The following GSG1L variants were observed in gnomAD, a reference collection of about 807,000 sequenced individuals.
GSG1L encodes the protein germ cell-specific gene 1-like protein.
A neutral mutation model predicts 42.1 loss-of-function variants in GSG1L; 24 were observed. The ratio of observed to expected loss-of-function variants is 0.57; its 90% CI spans 0.41 to 0.80. The LOEUF is 0.80. GSG1L is among the 30% of genes least tolerant of loss of function. GSG1L has a pLI of 0.00. For synonymous variants in GSG1L, 215 were observed against 203.5 expected (o/e 1.06, Z -0.48); for missense variants, 445 against 472.2 (o/e 0.94, Z 0.53).
At chr16:27,974,294 G>C (rs1225739106) in intron 1 of GSG1L, among the ~76,000 whole-genome samples, 1 of 152,202 alleles carries the variant, frequency 6.6e-6, no homozygotes, top group African/African-American at 2.4e-5. Context: ...GCTGGACTTT[G>C]GGGTCATAGG....
intron 1 of GSG1L, among the ~76,000 whole-genome samples, chr16:28,041,484 G>A (rs78200405): frequency 0.043 from 6,526 of 152,152 alleles, 462 homozygotes; most frequent in African/African-American, 0.15. Flanking sequence ...ATATCCGGAT[G>A]GAGTGCCTGA....
Position 27,894,894 on chromosome 16 carries a change from G to T in GSG1L, c.398-10256C>A, listed in dbSNP as rs182943923. Among the ~76,000 whole-genome samples the T allele has an allele frequency of 5.3e-4, 80 of 152,332 alleles. No homozygotes were observed. In the East Asian group the frequency reaches 8.5e-3, roughly 16 times the overall value. On this transcript the variant is annotated intron_variant, in intron 2 of 6. Transcript: ENST00000447459. ...TTCCTGTTGTGTGTCTGGGGGCAAG[G>T]TTGGTTCTATTAGAGGCATGAGGAT...
At chr16:28,050,088 GATGAATGA>G (rs1213176973) in intron 1 of GSG1L, among the ~76,000 whole-genome samples, 2 of 151,950 alleles carry the variant, frequency 1.3e-5, no homozygotes, top group Non-Finnish European at 2.9e-5. Flanking sequence ...TAATAGATGT[GATGAATGA>G]ATGAATGAAT....
intron 2 of GSG1L, among the ~76,000 whole-genome samples, chr16:27,927,246 C>A (rs2084604509): frequency 6.6e-6 from 1 of 152,072 alleles, no homozygotes; most frequent in Non-Finnish European, 1.5e-5. Context: ...ACTTCCCAGG[C>A]TCAAGCAATC....
chr16:28,003,595 G>C (rs1175412803), intron 1 of GSG1L, among the ~76,000 whole-genome samples: 1 of 152,198 alleles, frequency 6.6e-6, no homozygotes, highest in Admixed American at 6.5e-5. Flanking sequence ...GCAGGAAAAC[G>C]TGGTTGCCAG....
At chr16:27,797,375 T>C (rs893105292) in intron 6 of GSG1L, among the ~76,000 whole-genome samples, 1 of 150,832 alleles carries the variant, frequency 6.6e-6, no homozygotes, top group African/African-American at 2.4e-5. Context: ...ATACATAAAT[T>C]ATCTTGGTGT....
chr16:27,887,742 G>A (rs1023427009), intron 2 of GSG1L, among the ~76,000 whole-genome samples: 2 of 152,110 alleles, frequency 1.3e-5, no homozygotes, highest in African/African-American at 4.8e-5. Flanking sequence ...TAGCGCAACA[G>A]TGCTTTTAGA....
chr16:27,900,979 T>A (rs2141042272), intron 2 of GSG1L, among the ~76,000 whole-genome samples: 1 of 151,844 alleles, frequency 6.6e-6, no homozygotes, highest in South Asian at 2.1e-4. Flanking sequence ...AATACAAAAT[T>A]TAGCCAGGTG....
At chr16:27,917,664 T>C (rs1039078184) in intron 2 of GSG1L, among the ~76,000 whole-genome samples, 1 of 152,134 alleles carries the variant, frequency 6.6e-6, no homozygotes, top group African/African-American at 2.4e-5. Context: ...TTCCCAGAGT[T>C]TTAAAGAGAT....
chr16:27,951,505 A>C (rs2084950272), intron 2 of GSG1L, among the ~76,000 whole-genome samples: 1 of 152,166 alleles, frequency 6.6e-6, no homozygotes, highest in Non-Finnish European at 1.5e-5. Flanking sequence ...CTGGGGATGA[A>C]GGAGGGCTTT....
chr16:27,920,686 C>T (rs1489043333), intron 2 of GSG1L, among the ~76,000 whole-genome samples: 2 of 152,338 alleles, frequency 1.3e-5, no homozygotes, highest in African/African-American at 2.4e-5. Context: ...CCCTCCCAGC[C>T]GGCAGCCTGC....
intron 3 of GSG1L, among the ~76,000 whole-genome samples, chr16:27,881,733 T>C (rs544205157): frequency 7.9e-5 from 12 of 152,266 alleles, no homozygotes; most frequent in African/African-American, 2.9e-4. Context: ...ACTGGGTTCA[T>C]GGACCTCCTG....
At chr16:27,928,077 G>C (rs929972996) in intron 2 of GSG1L, among the ~76,000 whole-genome samples, 9 of 152,186 alleles carry the variant, frequency 5.9e-5, no homozygotes, top group Non-Finnish European at 1.2e-4. Flanking sequence ...CTGAGAAAGT[G>C]AGCACTCAAT....
intron 2 of GSG1L, among the ~76,000 whole-genome samples, chr16:27,939,561 G>A (rs1210925660): frequency 1.3e-5 from 2 of 152,192 alleles, no homozygotes; most frequent in Admixed American, 1.3e-4. Context: ...GGTCAGCAGA[G>A]AGGCAGCTCA....
intron 1 of GSG1L, among the ~76,000 whole-genome samples, chr16:28,061,273 G>A (rs909438685): frequency 2.6e-4 from 40 of 152,172 alleles, no homozygotes; most frequent in African/African-American, 8.2e-4. Context: ...TGGGCTGTGC[G>A]GAAGGCAGGG....
At chr16:28,035,757 G>A (rs1178091119) in intron 1 of GSG1L, among the ~76,000 whole-genome samples, 4 of 152,126 alleles carry the variant, frequency 2.6e-5, no homozygotes, top group African/African-American at 9.7e-5. Context: ...TTGCCCAGAT[G>A]GAAAGTCTGA....
In GSG1L at chr16:27,787,972, G is replaced by C. The variant is rs569170991; in HGVS notation, c.*3398C>G. 1 of 151,518 alleles carries C rather than the reference G, an allele frequency of 6.6e-6. No homozygotes were observed. Among genetic ancestry groups the C allele is most frequent in the Admixed American group, 6.6e-5 (1 of 15,214 alleles). 9.4% of individuals were successfully genotyped at this position (151,518 alleles called of 1,614,324 possible). On this transcript the variant is annotated 3_prime_UTR_variant, in exon 7 of 7. Transcript: ENST00000447459. ...CTCTCCCAGGCCCATTTCCAGCCCC[G>C]CCTTAAGCCCCACCTAGTAGGTCAT...
intron 1 of GSG1L, among the ~76,000 whole-genome samples, chr16:27,967,389 G>A (rs968799733): frequency 3.3e-4 from 50 of 152,204 alleles, no homozygotes; most frequent in African/African-American, 1.2e-3. Context: ...TCCTTCCAAA[G>A]AATCACACGG....
intron 2 of GSG1L, among the ~76,000 whole-genome samples, chr16:27,892,367 G>A (rs2084139763): frequency 6.6e-6 from 1 of 151,832 alleles, no homozygotes; most frequent in African/African-American, 2.4e-5. Flanking sequence ...AGGTGGGAGG[G>A]ATCACTGGAG....
Sources: allele counts gnomAD v4.1 joint callset (sites outside exome capture counted in the v4.1 genomes callset), GRCh38; gene constraint gnomAD v4.1.1; transcripts MANE v1.5; gene names NCBI Gene and HGNC (gene_info 2026-07-23, HGNC 2026-07-21).